PRDM7: variants seen among roughly 807,000 people sequenced by gnomAD.
PRDM7 encodes the protein histone-lysine N-methyltransferase PRDM7.
Under a neutral mutation model 64.3 loss-of-function variants are expected in PRDM7, and 52 were observed. The observed-to-expected ratio is 0.81, with a 90% CI of 0.65 to 1.02. The LOEUF is 1.02. Among genes scored for constraint, PRDM7 ranks in the 50% least tolerant of loss-of-function variants. The pLI, the probability that PRDM7 is intolerant of heterozygous loss-of-function variation, is 0.00. For missense variants in PRDM7, 574 were observed against 597.1 expected (o/e 0.96, Z 0.40); for synonymous variants, 192 against 210.1 (o/e 0.91, Z 0.74).
chr16:90,060,248 G>A, intron 10 of PRDM7, 93 bp downstream of exon 10: 16 of 1,582,530 alleles, frequency 1.0e-5, no homozygotes, highest in Non-Finnish European at 1.2e-5. Flanking sequence ...GACTTTAGAC[G>A]GCGTTTTACT....
chr16:90,057,850 C>G lies in PRDM7; in HGVS notation c.*439G>C. 2 of 1,511,512 alleles carry G rather than the reference C, an allele frequency of 1.3e-6. No individual in the cohort carries two copies. Among genetic ancestry groups the G allele is most frequent in the Non-Finnish European group, 1.8e-6 (2 of 1,114,574 alleles). 93.6% of individuals were successfully genotyped at this position (1,511,512 alleles called of 1,614,324 possible). A position where few individuals can be genotyped will look rare whatever the true frequency, so the allele number is the denominator to read the frequency against. On this transcript the variant is annotated 3_prime_UTR_variant, in exon 11 of 11. Coordinates refer to ENST00000449207, the MANE Select transcript of PRDM7 (RefSeq NM_001098173.2). ...TATTACTAATGACTTACTCATCCTT[C>G]CTGCAGACTGGGGCGTCTCCCCTGT...
intron 8 of PRDM7, among the ~76,000 whole-genome samples, 184 bp downstream of exon 8, chr16:90,061,736 CA>C (rs2037781240): frequency 6.6e-6 from 1 of 152,192 alleles, no homozygotes; most frequent in African/African-American, 2.4e-5. Flanking sequence ...GTCTTTGTAC[CA>C]CTCTGCTCCC....
At chr16:90,071,450 A>G (rs1479112889) in intron 4 of PRDM7, among the ~76,000 whole-genome samples, 3 of 152,152 alleles carry the variant, frequency 2.0e-5, no homozygotes, top group Non-Finnish European at 4.4e-5. Flanking sequence ...ATTTATAAAG[A>G]AAATAATTAT....
chr16:90,066,858 T>TA lies in PRDM7; in HGVS notation c.351+2dup. The stretch of plus-strand genomic sequence containing the variant: ...TTGTCAACAGGATTTGGGAGATACT[T>TA]ACCTTCTGGTGTTTACTCTGTTCTC... On this transcript the variant is annotated splice_region_variant and intron_variant, in intron 5 of 10. Transcript: ENST00000449207. 1.3e-6 allele frequency: 2 copies of TA among 1,586,000 alleles called. No homozygotes were observed. Among genetic ancestry groups the TA allele is most frequent in the African/African-American group, 1.4e-5 (1 of 72,822 alleles).
intron 4 of PRDM7, among the ~76,000 whole-genome samples, chr16:90,073,177 A>C (rs1597693366): frequency 6.6e-6 from 1 of 152,320 alleles, no homozygotes; most frequent in East Asian, 1.9e-4. Flanking sequence ...AAGTAGATAC[A>C]TTTTGGTATA....
intron 6 of PRDM7, 106 bp downstream of exon 6, chr16:90,063,506 G>C: frequency 7.8e-7 from 1 of 1,284,822 alleles, no homozygotes; most frequent in Non-Finnish European, 1.1e-6. Flanking sequence ...GTTGAGTCCA[G>C]CTTAAGCCCA....
intron 4 of PRDM7, among the ~76,000 whole-genome samples, chr16:90,073,245 T>C (rs2037987381): frequency 1.3e-5 from 2 of 152,184 alleles, no homozygotes; most frequent in Admixed American, 6.5e-5. Context: ...CTTAATATTA[T>C]TTCTTCTAAG....
At chr16:90,059,015 G>A (rs1310143796) in intron 10 of PRDM7, among the ~76,000 whole-genome samples, 1 of 152,210 alleles carries the variant, frequency 6.6e-6, no homozygotes, top group Non-Finnish European at 1.5e-5. Context: ...TTCCTAAGAG[G>A]GGAAAAGGAT....
rs1350472722 is a variant in PRDM7, at chr16:90,057,173, CCTGT to C, written c.*1112_*1115del. 7.1e-5 allele frequency: 11 copies of C among 154,166 alleles called. No individual in the cohort carries two copies. Among genetic ancestry groups the C allele is most frequent in the African/African-American group, 1.9e-4 (8 of 41,400 alleles). 9.5% of individuals were successfully genotyped at this position (154,166 alleles called of 1,614,324 possible). ...ACACATATATACACACATGCGTGTT[CCTGT>C]CTGGCGTTCACTTCTGGGGCTACAG... On this transcript the variant is annotated 3_prime_UTR_variant, in exon 11 of 11. Coordinates refer to ENST00000449207, the MANE Select transcript of PRDM7 (RefSeq NM_001098173.2).
At position 90,061,908 on chromosome 16, in the gene PRDM7, A is replaced by C. The variant is rs1333880477; in HGVS notation, c.882+13T>G. ...GGGAAGACAGAACAGGGGAAACAGC[A>C]GGCTCTTCTTACTAGCCAGGAATAT... On this transcript the variant is annotated intron_variant, in intron 8 of 10. Transcript: ENST00000449207. 6.2e-7 allele frequency: 1 copy of C among 1,614,208 alleles called. No individual in the cohort carries two copies. Among genetic ancestry groups the C allele is most frequent in the East Asian group, 2.2e-5 (1 of 44,890 alleles).
chr16:90,060,265 A>C, intron 10 of PRDM7, 76 bp downstream of exon 10: 1 of 1,609,284 alleles, frequency 6.2e-7, no homozygotes, highest in Non-Finnish European at 8.5e-7. Flanking sequence ...TACTCTACTT[A>C]AGAGTTCAAT....
At chr16:90,061,593 C>T in intron 8 of PRDM7, 74 bp from the exon 9 acceptor site, 2 of 1,510,444 alleles carry the variant, frequency 1.3e-6, no homozygotes, top group Non-Finnish European at 1.8e-6. Context: ...CCACGGTCAT[C>T]AATGGCCTTT....
In PRDM7 at chr16:90,072,171, C is replaced by A. The variant is rs1171367169; in HGVS notation, c.301+2745G>T. 2.0e-5 allele frequency among the ~76,000 whole-genome samples: 3 copies of A among 150,078 alleles called. No individual in the cohort carries two copies. In the East Asian group the frequency reaches 5.9e-4, roughly 30 times the overall value. On this transcript the variant is annotated intron_variant, in intron 4 of 10. Coordinates refer to ENST00000449207, the MANE Select transcript of PRDM7 (RefSeq NM_001098173.2). Reference sequence around the variant, plus strand: ...GCGTGAACCCGGGAGTCAGAGCTTGCAGTGAGCCGAGATTGCGCCACTGCA... The same window carrying A: ...GCGTGAACCCGGGAGTCAGAGCTTGAAGTGAGCCGAGATTGCGCCACTGCA...
chr16:90,064,516 A>C (rs1455802503), intron 5 of PRDM7, among the ~76,000 whole-genome samples: 3 of 147,552 alleles, frequency 2.0e-5, no homozygotes, highest in South Asian at 4.3e-4. Context: ...CAGGTTCAAG[A>C]GATTTTCCTA....
At chr16:90,066,425 T>TA (rs1462642374) in intron 5 of PRDM7, among the ~76,000 whole-genome samples, 2 of 151,290 alleles carry the variant, frequency 1.3e-5, no homozygotes, top group African/African-American at 2.5e-5. Flanking sequence ...ATAAACTTTA[T>TA]AAAACTATGA....
At position 90,065,236 on chromosome 16, in the gene PRDM7, A is replaced by G. The variant is rs377132381; in HGVS notation, c.352-1468T>C. On this transcript the variant is annotated intron_variant, in intron 5 of 10. Transcript: ENST00000449207. ...GGCCAACCCTGTCTCTACAAAAAAT[A>G]CAAAAAACTAGCCGGGTGTGGTGGC... Among the ~76,000 whole-genome samples, 14 of 148,186 alleles carry G rather than the reference A, an allele frequency of 9.4e-5. No homozygotes were observed. The East Asian group carries it at 1.4e-3, about 15-fold the overall frequency.
chr16:90,067,294 A>T (rs2037890879), intron 4 of PRDM7, among the ~76,000 whole-genome samples: 1 of 151,164 alleles, frequency 6.6e-6, no homozygotes, highest in Admixed American at 6.6e-5. Context: ...TTAGAGACAG[A>T]GAATTCTGAA....
chr16:90,061,599 C>G, intron 8 of PRDM7, 80 bp from the exon 9 acceptor site: 1 of 1,487,462 alleles, frequency 6.7e-7, no homozygotes, highest in Non-Finnish European at 9.4e-7. Flanking sequence ...TCATCAATGG[C>G]CTTTGGACCT....
rs2037701447 is a variant in PRDM7, at chr16:90,057,316, T to G, written c.*973A>C. 1.3e-5 allele frequency: 2 copies of G among 154,086 alleles called. No homozygotes were observed. The allele number at this position is 154,086 out of a possible 1,614,324, so 9.5% of individuals were successfully genotyped here. A position where few individuals can be genotyped will look rare whatever the true frequency, so the allele number is the denominator to read the frequency against. On this transcript the variant is annotated 3_prime_UTR_variant, in exon 11 of 11. Coordinates refer to ENST00000449207, the MANE Select transcript of PRDM7 (RefSeq NM_001098173.2). ...TCCCAGGAGACCAGGGAGCTCTCTTTCCTGCTGCGACTCTGTAAAACCCTA... is the reference window on the plus strand; with the variant it reads ...TCCCAGGAGACCAGGGAGCTCTCTTGCCTGCTGCGACTCTGTAAAACCCTA...
Sources: allele counts gnomAD v4.1 joint callset (sites outside exome capture counted in the v4.1 genomes callset), GRCh38; gene constraint gnomAD v4.1.1; transcripts MANE v1.5; gene names NCBI Gene and HGNC (gene_info 2026-07-23, HGNC 2026-07-21).